The following DNER variants were observed in gnomAD, a reference collection of about 807,000 sequenced individuals.
DNER encodes the protein delta and Notch-like epidermal growth factor-related receptor.
In DNER, 33 loss-of-function variants were observed where a neutral mutation model predicts 78.2. The ratio of observed to expected loss-of-function variants is 0.42; its 90% CI spans 0.32 to 0.56. The LOEUF (loss-of-function observed/expected upper bound fraction) is 0.56, where lower values mean the gene tolerates loss of function less well. DNER is among the 20% of genes least tolerant of loss of function. DNER has a pLI of 0.11. For synonymous variants in DNER, 417 were observed against 384.8 expected (o/e 1.08, Z -0.98); for missense variants, 918 against 975.3 (o/e 0.94, Z 0.78).
Position 229,426,166 on chromosome 2 carries a change from G to A in DNER, c.1487-7936C>T, listed in dbSNP as rs1574838027. Among the ~76,000 whole-genome samples the A allele has an allele frequency of 2.6e-5, 4 of 152,236 alleles. No individual in the cohort carries two copies. The East Asian group carries it at 5.8e-4, about 22-fold the overall frequency. ...TAGTAGTTAAAGATATGGGGGCCGG[G>A]CGCGGTGGTTCACACCTATAATCCC... On this transcript the variant is annotated intron_variant, in intron 8 of 12. Coordinates refer to ENST00000341772, the MANE Select transcript of DNER (RefSeq NM_139072.4).
chr2:229,693,277 T>C (rs1027506293), intron 1 of DNER, among the ~76,000 whole-genome samples: 1 of 151,820 alleles, frequency 6.6e-6, no homozygotes, highest in Admixed American at 6.6e-5. Flanking sequence ...ATCATGATTG[T>C]AAGTTTCCTG....
intron 4 of DNER, among the ~76,000 whole-genome samples, chr2:229,573,535 T>G (rs1318605122): frequency 6.6e-6 from 1 of 152,176 alleles, no homozygotes; most frequent in East Asian, 1.9e-4. Context: ...TGATGGGTTT[T>G]CAAAACATTT....
chr2:229,664,201 T>C (rs373503492), intron 1 of DNER, among the ~76,000 whole-genome samples: 1 of 152,182 alleles, frequency 6.6e-6, no homozygotes. Context: ...CCAAACTAAA[T>C]AGGAATTTTC....
At chr2:229,600,360 T>TAG (rs1190389895) in intron 1 of DNER, among the ~76,000 whole-genome samples, 3 of 152,202 alleles carry the variant, frequency 2.0e-5, no homozygotes, top group African/African-American at 7.2e-5. Context: ...TCCCAGTCCC[T>TAG]GATCTAGACA....
intron 1 of DNER, among the ~76,000 whole-genome samples, chr2:229,598,488 CTGCTGGTA>C (rs765594207): frequency 1.5e-4 from 23 of 152,328 alleles, no homozygotes; most frequent in Non-Finnish European, 4.4e-5. Flanking sequence ...ATTGCTTGCC[CTGCTGGTA>C]TGCATGTCAG....
Position 229,578,187 on chromosome 2 carries a change from T to TG in DNER, c.847+7670dup, listed in dbSNP as rs1344815482. Among the ~76,000 whole-genome samples the TG allele has an allele frequency of 4.6e-5, 7 of 152,138 alleles. No homozygotes were observed. In the East Asian group the frequency reaches 1.3e-3, roughly 29 times the overall value. ...TATGCTAAGCATCTTTCACTTCCTATGGGAGTCCTTTCTTCTGGCATGTCC... is the reference window on the plus strand; with the variant it reads ...TATGCTAAGCATCTTTCACTTCCTATGGGGAGTCCTTTCTTCTGGCATGTCC... On this transcript the variant is annotated intron_variant, in intron 4 of 12. Coordinates refer to ENST00000341772, the MANE Select transcript of DNER (RefSeq NM_139072.4).
At chr2:229,493,514 A>C (rs377697831) in intron 6 of DNER, among the ~76,000 whole-genome samples, 1 of 152,178 alleles carries the variant, frequency 6.6e-6, no homozygotes, top group South Asian at 2.1e-4. Flanking sequence ...GAGGAATAGA[A>C]TTGTTGCTGC....
chr2:229,434,921 T>TAC (rs1307319721), intron 8 of DNER, among the ~76,000 whole-genome samples: 1 of 61,524 alleles, frequency 1.6e-5, no homozygotes, highest in African/African-American at 4.1e-5. Context: ...TATATATATA[T>TAC]ATATACACAC....
chr2:229,496,047 G>A (rs1257574010), intron 6 of DNER, among the ~76,000 whole-genome samples: 1 of 152,096 alleles, frequency 6.6e-6, no homozygotes, highest in Admixed American at 6.5e-5. Context: ...TCTTGCTCCT[G>A]TTCTTACAGT....
At chr2:229,502,765 A>T (rs558443240) in intron 6 of DNER, among the ~76,000 whole-genome samples, 2 of 152,226 alleles carry the variant, frequency 1.3e-5, no homozygotes, top group Non-Finnish European at 2.9e-5. Context: ...TGATAGTTTG[A>T]TAGAGAAATA....
Position 229,671,314 on chromosome 2 carries a change from C to T in DNER, c.276+42834G>A, listed in dbSNP as rs554618895. 5.3e-5 allele frequency among the ~76,000 whole-genome samples: 8 copies of T among 152,324 alleles called. No homozygotes were observed. The East Asian group carries it at 1.4e-3, about 26-fold the overall frequency. On this transcript the variant is annotated intron_variant, in intron 1 of 12. Transcript: ENST00000341772. ...CTTTCCCTTGGACACCTGAATATGCCAAGCTTGTCCTCACTCAGGGCTACC... is the reference window on the plus strand; with the variant it reads ...CTTTCCCTTGGACACCTGAATATGCTAAGCTTGTCCTCACTCAGGGCTACC...
At chr2:229,412,775 C>T (rs536119779) in intron 9 of DNER, among the ~76,000 whole-genome samples, 78 of 152,220 alleles carry the variant, frequency 5.1e-4, no homozygotes, top group Middle Eastern at 3.4e-3. Context: ...CACAGCAAGG[C>T]GACGTGCAAG....
chr2:229,437,556 G>T (rs1157568557), intron 8 of DNER, among the ~76,000 whole-genome samples: 1 of 152,084 alleles, frequency 6.6e-6, no homozygotes, highest in Non-Finnish European at 1.5e-5. Context: ...GGTCTAATTG[G>T]GACTCAGGAA....
At chr2:229,542,053 C>T (rs1040219511) in intron 5 of DNER, among the ~76,000 whole-genome samples, 5 of 149,956 alleles carry the variant, frequency 3.3e-5, no homozygotes, top group African/African-American at 1.2e-4. Context: ...ATACAAATTT[C>T]TTGACCTAGA....
At chr2:229,687,001 T>G (rs1014766005) in intron 1 of DNER, among the ~76,000 whole-genome samples, 1 of 152,200 alleles carries the variant, frequency 6.6e-6, no homozygotes, top group Non-Finnish European at 1.5e-5. Context: ...GTATCTTTCT[T>G]TCCAATTTTA....
chr2:229,399,399 C>T (rs377006583), intron 10 of DNER, among the ~76,000 whole-genome samples: 1 of 151,636 alleles, frequency 6.6e-6, no homozygotes, highest in East Asian at 1.9e-4. Flanking sequence ...AATCAAAGAT[C>T]TAAATAAGTG....
At chr2:229,547,436 T>C (rs1696649870) in intron 4 of DNER, among the ~76,000 whole-genome samples, 1 of 152,220 alleles carries the variant, frequency 6.6e-6, no homozygotes, top group African/African-American at 2.4e-5. Flanking sequence ...ATCCCTGTGC[T>C]GGCGTCTTAG....
At chr2:229,432,513 TA>T (rs1247541349) in intron 8 of DNER, among the ~76,000 whole-genome samples, 1 of 152,258 alleles carries the variant, frequency 6.6e-6, no homozygotes, top group Non-Finnish European at 1.5e-5. Flanking sequence ...AGAAGAGTTT[TA>T]AAATGTTTAT....
intron 6 of DNER, among the ~76,000 whole-genome samples, chr2:229,486,948 A>G (rs1163458411): frequency 6.6e-6 from 1 of 152,222 alleles, no homozygotes; most frequent in African/African-American, 2.4e-5. Flanking sequence ...TGATACTAAT[A>G]CAAGGTACAT....
Sources: allele counts gnomAD v4.1 joint callset (sites outside exome capture counted in the v4.1 genomes callset), GRCh38; gene constraint gnomAD v4.1.1; transcripts MANE v1.5; gene names NCBI Gene and HGNC (gene_info 2026-07-23, HGNC 2026-07-21).